Variants in ADGRB3 observed in about 807,000 individuals in gnomAD.
The protein encoded by ADGRB3 is brain-specific angiogenesis inhibitor 3.
In ADGRB3, 37 loss-of-function variants were observed where a neutral mutation model predicts 193.4. That is an observed-to-expected ratio of 0.19 (90% CI 0.15 to 0.25). ADGRB3 has a LOEUF of 0.25. Ranked by LOEUF, ADGRB3 falls within the 10% of genes least tolerant of loss-of-function variation. ADGRB3 has a pLI of 1.00. For synonymous variants in ADGRB3, 690 were observed against 644.2 expected, an observed-to-expected ratio of 1.07 and a Z score of -1.08; for missense variants, 1,637 against 1,852.9, an observed-to-expected ratio of 0.88 and a Z score of 2.14.
chr6:69,355,865 G>A lies in ADGRB3; in HGVS notation c.3595+5G>A. ...TAGACATTGCCTGTCGATCAGGTAA[G>A]AATATTTAGATTTTGAAATCTAATC... is the stretch of plus-strand genomic sequence containing the variant. On this transcript the variant is annotated splice_donor_5th_base_variant and intron_variant, in intron 28 of 31. Transcript: ENST00000370598. 6.3e-7 allele frequency: 1 copy of A among 1,599,550 alleles called. No individual in the cohort carries two copies. The highest frequency in any genetic ancestry group is 8.6e-7 in the Non-Finnish European group (1 of 1,168,190).
intron 20 of ADGRB3, among the ~76,000 whole-genome samples, chr6:69,316,361 G>C (rs185633645): frequency 1.3e-5 from 2 of 151,368 alleles, no homozygotes; most frequent in Admixed American, 1.3e-4. Flanking sequence ...AGGAAACATA[G>C]ACAAGTAACA....
chr6:69,230,737 A>G (rs1766116382), intron 17 of ADGRB3, among the ~76,000 whole-genome samples: 1 of 152,226 alleles, frequency 6.6e-6, no homozygotes, highest in Non-Finnish European at 1.5e-5. Flanking sequence ...GAAATGCAGA[A>G]CTTGGTGGTT....
chr6:68,763,387 G>A (rs1766449632), intron 3 of ADGRB3, among the ~76,000 whole-genome samples: 1 of 152,146 alleles, frequency 6.6e-6, no homozygotes, highest in South Asian at 2.1e-4. Context: ...ACTGTGCCTG[G>A]CCACTTCTTT....
rs1338093306 is a variant in ADGRB3, at chr6:68,639,307, C to T, written c.632C>T (p.Ser211Leu). 3.7e-6 allele frequency: 6 copies of T among 1,613,896 alleles called. No individual in the cohort carries two copies. Among genetic ancestry groups the T allele is most frequent in the South Asian group, 2.2e-5 (2 of 91,074 alleles). Reference sequence around the variant, plus strand: ...GGAGAGTGGGGGATCGACGACCAGTCGCTGATTTTGTTAAATAACGTGGTG... The same window carrying T: ...GGAGAGTGGGGGATCGACGACCAGTTGCTGATTTTGTTAAATAACGTGGTG... ...HLGEWGIDDQ[S>L]LILLNNVVLP... Residue 211 changes from serine (S) to leucine (L), a missense_variant, in exon 3 of 32, where the codon TCG becomes TTG. Ser to Leu is a moderately radical substitution (Grantham distance 145). Around this residue, in one of 7 missense-constraint regions of ADGRB3, gnomAD observed 365 missense variants for 409.8 expected, o/e 0.89. Coordinates refer to ENST00000370598, the MANE Select transcript of ADGRB3 (RefSeq NM_001704.3).
intron 26 of ADGRB3, among the ~76,000 whole-genome samples, chr6:69,351,232 A>G (rs986890113): frequency 2.6e-5 from 4 of 151,770 alleles, no homozygotes; most frequent in Non-Finnish European, 5.9e-5. Context: ...AGCTGGGATT[A>G]CAGGCACCTG....
chr6:68,661,550 T>C (rs4039388), intron 3 of ADGRB3, among the ~76,000 whole-genome samples: 6 of 35,464 alleles, frequency 1.7e-4, no homozygotes, highest in Non-Finnish European at 2.2e-4. Flanking sequence ...TATATATATA[T>C]ATATATATAT....
chr6:68,652,478 CCATCTTTCTCTCTGGT>C (rs1202769397), intron 3 of ADGRB3, among the ~76,000 whole-genome samples: 19 of 152,118 alleles, frequency 1.2e-4, no homozygotes, highest in Non-Finnish European at 2.5e-4. Context: ...CCACATTTCT[CCATCTTTCTCTCTGGT>C]CATCTGAACT....
At chr6:69,004,510 C>G (rs966595724) in intron 11 of ADGRB3, among the ~76,000 whole-genome samples, 7 of 151,586 alleles carry the variant, frequency 4.6e-5, no homozygotes, top group Non-Finnish European at 8.8e-5. Context: ...GTGTGCTGCA[C>G]CCATTAACTA....
intron 30 of ADGRB3, among the ~76,000 whole-genome samples, chr6:69,377,168 T>C (rs1769843134): frequency 6.6e-6 from 1 of 152,056 alleles, no homozygotes; most frequent in African/African-American, 2.4e-5. Context: ...ACATTCACTT[T>C]AGGCTAATAT....
At chr6:68,702,101 C>T (rs976152312) in intron 3 of ADGRB3, among the ~76,000 whole-genome samples, 8 of 151,956 alleles carry the variant, frequency 5.3e-5, no homozygotes, top group Non-Finnish European at 1.2e-4. Flanking sequence ...GCAAGCCCTA[C>T]AGGAAGTATA....
chr6:69,100,934 GAGGGAAGGAAGGA>G (rs1773032380), intron 17 of ADGRB3, among the ~76,000 whole-genome samples: 1 of 10,526 alleles, frequency 9.5e-5, no homozygotes, highest in African/African-American at 5.2e-4. Context: ...AGGAGGGAGG[GAGGGAAGGAAGGA>G]AAGGAGGGAG....
chr6:69,005,073 T>A (rs933339626), intron 11 of ADGRB3, among the ~76,000 whole-genome samples: 6 of 152,142 alleles, frequency 3.9e-5, no homozygotes, highest in African/African-American at 1.4e-4. Flanking sequence ...TTTCTGAACA[T>A]GATGATGATT....
At chr6:68,772,034 CT>C (rs1330892219) in intron 3 of ADGRB3, among the ~76,000 whole-genome samples, 2 of 152,122 alleles carry the variant, frequency 1.3e-5, no homozygotes, top group East Asian at 3.9e-4. Context: ...AGAAGTTGTA[CT>C]TTAACAATGG....
intron 3 of ADGRB3, among the ~76,000 whole-genome samples, chr6:68,899,149 C>T (rs1766322939): frequency 6.6e-6 from 1 of 152,030 alleles, no homozygotes; most frequent in Non-Finnish European, 1.5e-5. Flanking sequence ...GTACGATTTT[C>T]TCAACTTTTA....
Position 68,994,084 on chromosome 6 carries a change from G to A in ADGRB3, c.1929+122G>A, listed in dbSNP as rs957250617. 4 of 927,682 alleles carry A rather than the reference G, an allele frequency of 4.3e-6. No homozygotes were observed. In the Admixed American group the frequency reaches 8.0e-5, roughly 18 times the overall value. The allele number at this position is 927,682 out of a possible 1,614,324, so 57.5% of individuals were successfully genotyped here. ...GGAAGATAATGCTCATCCAAGTTAT[G>A]CTTAGTGTGAGCTCTGGAAATGACC... On this transcript the variant is annotated intron_variant, in intron 11 of 31. Transcript: ENST00000370598.
intron 10 of ADGRB3, among the ~76,000 whole-genome samples, chr6:68,989,984 A>G (rs745402601): frequency 6.6e-6 from 1 of 152,102 alleles, no homozygotes; most frequent in Non-Finnish European, 1.5e-5. Context: ...AAGGGATTGG[A>G]TGGGATTCAA....
intron 3 of ADGRB3, among the ~76,000 whole-genome samples, chr6:68,849,012 T>C (rs906359292): frequency 3.9e-5 from 6 of 152,078 alleles, no homozygotes; most frequent in African/African-American, 1.4e-4. Flanking sequence ...AAAGAGTACA[T>C]ATAAGATTGA....
At chr6:68,880,403 A>G (rs1765701675) in intron 3 of ADGRB3, among the ~76,000 whole-genome samples, 1 of 152,232 alleles carries the variant, frequency 6.6e-6, no homozygotes, top group African/African-American at 2.4e-5. Context: ...CATGCAAGTC[A>G]AATTTGTTTC....
intron 17 of ADGRB3, among the ~76,000 whole-genome samples, chr6:69,142,867 A>T (rs1465200143): frequency 6.6e-6 from 1 of 152,074 alleles, no homozygotes. Flanking sequence ...ATCAAATAAG[A>T]TTGCAATTTT....
Sources: gnomAD v4.1 joint callset for allele counts (sites outside exome capture counted in the v4.1 genomes callset) on GRCh38, gnomAD v4.1.1 for gene constraint, gnomAD v4.1.1 regional missense constraint, MANE v1.5 for transcripts, NCBI Gene and HGNC (gene_info 2026-07-23, HGNC 2026-07-21) for gene names.